Variants in SAMD12 observed in about 807,000 individuals in gnomAD.
SAMD12 encodes sterile alpha motif domain-containing protein 12.
Under a neutral mutation model 15.0 loss-of-function variants are expected in SAMD12, and 9 were observed. The ratio of observed to expected loss-of-function variants is 0.60; its 90% CI spans 0.36 to 1.05. The LOEUF (loss-of-function observed/expected upper bound fraction) is 1.05. Among genes scored for constraint, SAMD12 ranks in the 50% least tolerant of loss-of-function variants. SAMD12 has a pLI of 0.01. For missense variants in SAMD12, 230 were observed against 234.2 expected, an observed-to-expected ratio of 0.98 and a Z score of 0.12; for synonymous variants, 86 against 90.1, an observed-to-expected ratio of 0.96 and a Z score of 0.25.
chr8:118,151,359 A>C, the SAMD12 span, among the ~76,000 whole-genome samples: 2 of 152,128 alleles, frequency 1.3e-5, no homozygotes, highest in African/African-American at 4.8e-5. Flanking sequence ...TACCTTTTCA[A>C]ATGTTTTTCA....
At chr8:118,225,316 C>A (rs578151985) in intron 4 of SAMD12, among the ~76,000 whole-genome samples, 1 of 152,174 alleles carries the variant, frequency 6.6e-6, no homozygotes, top group South Asian at 2.1e-4. Context: ...AAAAAGCTTA[C>A]AAACCCAACG....
intron 2 of SAMD12, among the ~76,000 whole-genome samples, chr8:118,574,089 C>A (rs1337630455): frequency 6.6e-6 from 1 of 152,180 alleles, no homozygotes; most frequent in Non-Finnish European, 1.5e-5. Context: ...CTTGGAGAAG[C>A]ACATTTGAGC....
chr8:118,445,316 GTCT>G (rs1404496093), intron 2 of SAMD12, among the ~76,000 whole-genome samples: 1 of 152,148 alleles, frequency 6.6e-6, no homozygotes, highest in African/African-American at 2.4e-5. Context: ...TACTAATAAT[GTCT>G]TCTTCTGTCA....
At chr8:118,427,926 G>A (rs1822281818) in intron 3 of SAMD12, among the ~76,000 whole-genome samples, 1 of 152,094 alleles carries the variant, frequency 6.6e-6, no homozygotes, top group African/African-American at 2.4e-5. Context: ...TGCCACGTCC[G>A]CAGCAACACT....
Position 118,405,817 on chromosome 8 carries a change from A to G in SAMD12, c.323-26117T>C, listed in dbSNP as rs138616533. 4.1e-4 allele frequency among the ~76,000 whole-genome samples: 62 copies of G among 152,338 alleles called. 1 individual carries two copies. The highest frequency in any genetic ancestry group is 1.5e-3 in the African/African-American group (61 of 41,572). ...TGCCACTAATGGTGTCACAGACTTT[A>G]TGATGTCCCTTCTCAGCTGTCATAT... On this transcript the variant is annotated intron_variant, in intron 3 of 3. Coordinates refer to ENST00000314727, the MANE Select transcript of SAMD12 (RefSeq NM_207506.3).
rs370209811 is a variant in SAMD12 at position 118,257,058 on chromosome 8, A to T, written c.434-59326T>A. Among the ~76,000 whole-genome samples the T allele has an allele frequency of 1.2e-4, 19 of 152,154 alleles. No homozygotes were observed. The East Asian group carries it at 3.1e-3, about 25-fold the overall frequency. On this transcript the variant is annotated intron_variant, in intron 4 of 4. Coordinates refer to the SAMD12 transcript ENST00000409003. ...GCTGCAAACACACTGGCCTCAAGAC[A>T]TTGTAGGCATACCAGACCCTGCAGG...
chr8:118,371,195 G>A (rs1224672089), intron 4 of SAMD12, among the ~76,000 whole-genome samples: 2 of 152,140 alleles, frequency 1.3e-5, no homozygotes, highest in Non-Finnish European at 2.9e-5. Context: ...ATGGCTGTGC[G>A]ATGCTGAAGA....
intron 1 of SAMD12, among the ~76,000 whole-genome samples, chr8:118,606,355 G>T (rs185348570): frequency 6.6e-6 from 1 of 152,270 alleles, no homozygotes; most frequent in Non-Finnish European, 1.5e-5. Flanking sequence ...TGAATTATGT[G>T]ACCTTGGGTA....
chr8:118,351,498 A>T (rs977666260), intron 4 of SAMD12, among the ~76,000 whole-genome samples: 2 of 152,276 alleles, frequency 1.3e-5, no homozygotes, highest in Admixed American at 6.5e-5. Flanking sequence ...TAGCTGCCTC[A>T]ATCACAGCAT....
intron 3 of SAMD12, among the ~76,000 whole-genome samples, chr8:118,405,715 A>G (rs1034968253): frequency 6.6e-6 from 1 of 152,174 alleles, no homozygotes; most frequent in Non-Finnish European, 1.5e-5. Context: ...AAGGAGGGGA[A>G]AAAATGGAAA....
At chr8:118,301,370 A>C (rs910300593) in intron 4 of SAMD12, among the ~76,000 whole-genome samples, 3 of 152,196 alleles carry the variant, frequency 2.0e-5, no homozygotes, top group African/African-American at 7.2e-5. Flanking sequence ...CCATTGACTA[A>C]AACAGTTTCT....
chr8:118,597,632 C>G (rs962915079), intron 1 of SAMD12, among the ~76,000 whole-genome samples: 1 of 152,188 alleles, frequency 6.6e-6, no homozygotes, highest in African/African-American at 2.4e-5. Flanking sequence ...GGAGTTGGCT[C>G]TGCCAACTGA....
rs550962980 is a variant in SAMD12, at chr8:118,413,786, T to C, written c.322+26046A>G. Among the ~76,000 whole-genome samples the C allele has an allele frequency of 6.6e-5, 10 of 152,262 alleles. No individual in the cohort carries two copies. The South Asian group carries it at 2.1e-3, about 32-fold the overall frequency. ...TATAGGAAGAAGGCAAAGAAGAAGC[T>C]ATAGCTCTTGAAAGGATCTTAGACA... On this transcript the variant is annotated intron_variant, in intron 3 of 3. Coordinates refer to ENST00000314727, the MANE Select transcript of SAMD12 (RefSeq NM_207506.3).
intron 1 of SAMD12, among the ~76,000 whole-genome samples, chr8:118,607,161 A>T (rs960210515): frequency 6.6e-6 from 1 of 152,206 alleles, no homozygotes; most frequent in Non-Finnish European, 1.5e-5. Context: ...AAGAAATAAG[A>T]AGTCATTCTT....
chr8:118,452,158 A>T (rs1586728850), intron 2 of SAMD12, among the ~76,000 whole-genome samples: 1 of 101,188 alleles, frequency 9.9e-6, no homozygotes, highest in Non-Finnish European at 1.9e-5. Flanking sequence ...ATCAAACCAC[A>T]TCGGCACCAT....
chr8:118,318,047 A>C (rs1197703018), intron 4 of SAMD12, among the ~76,000 whole-genome samples: 2 of 151,980 alleles, frequency 1.3e-5, no homozygotes, highest in African/African-American at 4.8e-5. Flanking sequence ...GTCAAAAAAC[A>C]ATAGATGGTG....
At chr8:118,154,767 A>G in the SAMD12 span, among the ~76,000 whole-genome samples, 638 of 152,338 alleles carry the variant, frequency 4.2e-3, 2 homozygotes, top group Non-Finnish European at 4.9e-3. Context: ...TAGGAATAAT[A>G]ATAGCATGAG....
At chr8:118,533,024 T>C (rs549890054) in intron 2 of SAMD12, among the ~76,000 whole-genome samples, 1 of 152,328 alleles carries the variant, frequency 6.6e-6, no homozygotes, top group African/African-American at 2.4e-5. Flanking sequence ...CTTTTAATTG[T>C]GATGTTAGGG....
chr8:118,457,611 G>T (rs1722214833), intron 2 of SAMD12, among the ~76,000 whole-genome samples: 2 of 152,110 alleles, frequency 1.3e-5, no homozygotes, highest in Non-Finnish European at 2.9e-5. Flanking sequence ...AATTCACTCA[G>T]ACCCACAGGA....
Sources: allele counts gnomAD v4.1 joint callset (sites outside exome capture counted in the v4.1 genomes callset), GRCh38; gene constraint gnomAD v4.1.1; transcripts MANE v1.5; gene names NCBI Gene and HGNC (gene_info 2026-07-23, HGNC 2026-07-21).